Variants in STK39 observed in about 807,000 individuals in gnomAD.
The protein encoded by STK39 is serine/threonine kinase 39.
In STK39, 20 loss-of-function variants were observed where a neutral mutation model predicts 77.8. The observed-to-expected ratio is 0.26, with a 90% CI of 0.18 to 0.37. STK39 has a LOEUF of 0.37. STK39 is among the 10% of genes least tolerant of loss of function. The probability of loss-of-function intolerance (pLI) is 1.00; values close to 1 mark genes in which losing one functional copy is unlikely to be tolerated. For missense variants in STK39, 479 were observed against 656.5 expected (o/e 0.73, Z 2.95); for synonymous variants, 246 against 234.1 (o/e 1.05, Z -0.47).
intron 14 of STK39, among the ~76,000 whole-genome samples, chr2:168,047,365 T>G (rs1685271344): frequency 6.6e-6 from 1 of 152,174 alleles, no homozygotes; most frequent in Non-Finnish European, 1.5e-5. Context: ...GCCTAATAAT[T>G]CATTTGAACA....
intron 7 of STK39, among the ~76,000 whole-genome samples, chr2:168,139,163 AGGCTG>A (rs2105527332): frequency 6.6e-6 from 1 of 152,318 alleles, no homozygotes; most frequent in African/African-American, 2.4e-5. Context: ...AGAGGACGTC[AGGCTG>A]GGACAAGCAA....
intron 1 of STK39, among the ~76,000 whole-genome samples, chr2:168,230,921 G>C (rs1215021087): frequency 6.6e-6 from 1 of 151,988 alleles, no homozygotes; most frequent in African/African-American, 2.4e-5. Flanking sequence ...TCTTTGCTTC[G>C]GAATGAGCCC....
chr2:168,237,283 C>T (rs1208759961), intron 1 of STK39, among the ~76,000 whole-genome samples: 12 of 152,232 alleles, frequency 7.9e-5, no homozygotes, highest in Middle Eastern at 3.4e-3. Context: ...GTGATTTTTG[C>T]ACATTGATTT....
At chr2:167,993,296 G>A (rs138776244) in intron 16 of STK39, among the ~76,000 whole-genome samples, 1 of 152,336 alleles carries the variant, frequency 6.6e-6, no homozygotes, top group Non-Finnish European at 1.5e-5. Flanking sequence ...AGCCAGTATG[G>A]ACCAATCACA....
Position 168,017,108 on chromosome 2 carries a change from A to C in STK39, c.1377-13T>G. The stretch of plus-strand genomic sequence containing the variant: ...CTTTCTGGAGTTTCTGAAATACATA[A>C]CATATAATACATTAAAGTCTAGGGA... On this transcript the variant is annotated splice_polypyrimidine_tract_variant and intron_variant, in intron 14 of 17. Transcript: ENST00000355999. The C allele has an allele frequency of 6.4e-7, 1 of 1,571,966 alleles. No individual in the cohort carries two copies. Among genetic ancestry groups the C allele is most frequent in the Non-Finnish European group, 8.7e-7 (1 of 1,154,764 alleles).
intron 10 of STK39, among the ~76,000 whole-genome samples, chr2:168,083,695 G>A (rs1686297790): frequency 6.6e-6 from 1 of 152,062 alleles, no homozygotes; most frequent in South Asian, 2.1e-4. Flanking sequence ...CTCATGTAAT[G>A]TGGCTGGGTC....
chr2:168,112,907 T>C (rs1687157171), intron 10 of STK39: 1 of 152,222 alleles, frequency 6.6e-6, no homozygotes, highest in Non-Finnish European at 1.5e-5. Flanking sequence ...TGGCTCACTA[T>C]ACCTACTCAC....
chr2:167,993,429 G>A (rs538129960), intron 16 of STK39, among the ~76,000 whole-genome samples: 1 of 152,330 alleles, frequency 6.6e-6, no homozygotes, highest in Admixed American at 6.5e-5. Flanking sequence ...GCTCGTGCCT[G>A]TAATCCCAGC....
chr2:168,101,721 G>A (rs776564683), intron 10 of STK39, among the ~76,000 whole-genome samples: 33 of 151,918 alleles, frequency 2.2e-4, no homozygotes, highest in Non-Finnish European at 4.0e-4. Context: ...CTGGGCAACC[G>A]AGCAAGACTC....
chr2:168,159,011 T>C (rs538047339), intron 5 of STK39, among the ~76,000 whole-genome samples: 72 of 152,106 alleles, frequency 4.7e-4, no homozygotes, highest in Non-Finnish European at 6.8e-4. Flanking sequence ...TGTTTTCTGA[T>C]AAAAAGTTCT....
At chr2:168,230,300 T>C (rs537960921) in intron 1 of STK39, among the ~76,000 whole-genome samples, 1 of 152,314 alleles carries the variant, frequency 6.6e-6, no homozygotes, top group East Asian at 1.9e-4. Context: ...TGGCATTGTG[T>C]GACTTTCCAA....
At chr2:168,222,098 TA>T (rs1176406187) in intron 1 of STK39, among the ~76,000 whole-genome samples, 1 of 152,344 alleles carries the variant, frequency 6.6e-6, no homozygotes, top group African/African-American at 2.4e-5. Context: ...TTTAAATATC[TA>T]ACAGTCTGCT....
intron 1 of STK39, among the ~76,000 whole-genome samples, chr2:168,210,542 CG>C (rs1487512120): frequency 6.6e-6 from 1 of 152,168 alleles, no homozygotes; most frequent in Non-Finnish European, 1.5e-5. Context: ...TGTTTTGAGA[CG>C]AAGTCTTGCT....
At chr2:168,236,631 C>T (rs1004659051) in intron 1 of STK39, among the ~76,000 whole-genome samples, 17 of 152,032 alleles carry the variant, frequency 1.1e-4, no homozygotes, top group African/African-American at 3.1e-4. Flanking sequence ...TCGTATAAGG[C>T]GTAAGGAAGG....
At chr2:167,979,526 G>T (rs1458018217) in intron 16 of STK39, among the ~76,000 whole-genome samples, 5 of 152,198 alleles carry the variant, frequency 3.3e-5, no homozygotes. Context: ...TGGTTTTGCT[G>T]AATTAGGTAG....
At chr2:168,138,263 A>G (rs1687889237) in intron 7 of STK39, 42 bp from the exon 8 acceptor site, 1 of 1,580,836 alleles carries the variant, frequency 6.3e-7, no homozygotes, top group South Asian at 1.1e-5. Context: ...TCAGTATAGC[A>G]ATTGCTACAA....
intron 16 of STK39, among the ~76,000 whole-genome samples, chr2:167,995,393 C>A (rs1177822100): frequency 6.6e-6 from 1 of 152,140 alleles, no homozygotes; most frequent in Non-Finnish European, 1.5e-5. Flanking sequence ...CAGGCGTGAG[C>A]CCCCGCGCCC....
chr2:168,167,749 G>C (rs187035203), intron 2 of STK39, among the ~76,000 whole-genome samples: 19 of 152,278 alleles, frequency 1.2e-4, no homozygotes, highest in Non-Finnish European at 2.1e-4. Flanking sequence ...CCGAAGGCTT[G>C]ACAGGGAGAT....
intron 1 of STK39, among the ~76,000 whole-genome samples, chr2:168,243,774 C>G (rs1307956925): frequency 6.6e-6 from 1 of 152,172 alleles, no homozygotes; most frequent in African/African-American, 2.4e-5. Context: ...TTATATGATT[C>G]ACTTTCATTC....
Sources: gnomAD v4.1 joint callset for allele counts (sites outside exome capture counted in the v4.1 genomes callset) on GRCh38, gnomAD v4.1.1 for gene constraint, MANE v1.5 for transcripts, NCBI Gene and HGNC (gene_info 2026-07-23, HGNC 2026-07-21) for gene names.